Variants in LRFN5 observed in about 807,000 individuals in gnomAD.
The protein encoded by LRFN5 is leucine rich repeat and fibronectin type III domain containing 5.
Under a neutral mutation model 45.6 loss-of-function variants are expected in LRFN5, and 24 were observed. The observed-to-expected ratio is 0.53, with a 90% CI of 0.38 to 0.74. The LOEUF (loss-of-function observed/expected upper bound fraction) is 0.74, where lower values mean the gene tolerates loss of function less well. LRFN5 is among the 30% of genes least tolerant of loss of function. LRFN5 has a pLI of 0.00. For synonymous variants in LRFN5, 340 were observed against 313.8 expected (o/e 1.08, Z -0.88); for missense variants, 776 against 861.5 (o/e 0.90, Z 1.24).
intron 1 of LRFN5, among the ~76,000 whole-genome samples, chr14:41,750,867 C>A (rs1334917635): frequency 6.6e-6 from 1 of 151,960 alleles, no homozygotes; most frequent in Non-Finnish European, 1.5e-5. Flanking sequence ...TACACGTGCA[C>A]AACGTGCAGT....
chr14:41,746,275 C>A (rs1316225025), intron 1 of LRFN5, among the ~76,000 whole-genome samples: 2 of 151,812 alleles, frequency 1.3e-5, no homozygotes, highest in African/African-American at 4.8e-5. Context: ...CAATTAATGC[C>A]AAGAAAAGAT....
intron 1 of LRFN5, among the ~76,000 whole-genome samples, chr14:41,636,143 G>A (rs10151575): frequency 2.8e-4 from 43 of 152,150 alleles, no homozygotes; most frequent in Non-Finnish European, 5.3e-4. Flanking sequence ...GAACTTACGA[G>A]TATAATCAGA....
intron 1 of LRFN5, among the ~76,000 whole-genome samples, chr14:41,613,590 T>C (rs1887834022): frequency 1.3e-5 from 2 of 151,888 alleles, no homozygotes; most frequent in Non-Finnish European, 2.9e-5. Context: ...TGGAAAACAA[T>C]TGTAGAATTT....
chr14:41,811,504 A>C (rs1369399997), intron 2 of LRFN5, among the ~76,000 whole-genome samples: 10 of 152,128 alleles, frequency 6.6e-5, no homozygotes, highest in African/African-American at 1.2e-4. Flanking sequence ...ATAATAGCCC[A>C]AAAATGGAAA....
At chr14:41,774,299 C>G (rs1470656114) in intron 2 of LRFN5, among the ~76,000 whole-genome samples, 1 of 152,174 alleles carries the variant, frequency 6.6e-6, no homozygotes, top group Non-Finnish European at 1.5e-5. Flanking sequence ...TCTCCATATA[C>G]CACTACAGAC....
intron 1 of LRFN5, among the ~76,000 whole-genome samples, chr14:41,623,073 C>A (rs1247484987): frequency 6.6e-6 from 1 of 152,040 alleles, no homozygotes. Context: ...AGTTTGAGAG[C>A]CTCTGTTTCA....
chr14:41,904,108 T>G (rs759013397), intron 5 of LRFN5, 50 bp from the exon 6 acceptor site: 4 of 1,469,144 alleles, frequency 2.7e-6, no homozygotes, highest in Non-Finnish European at 3.7e-6. Flanking sequence ...GTGTTTTCTT[T>G]CTTTCTTCCT....
intron 1 of LRFN5, among the ~76,000 whole-genome samples, chr14:41,729,957 A>T (rs1262122519): frequency 6.6e-6 from 1 of 151,894 alleles, no homozygotes; most frequent in East Asian, 1.9e-4. Context: ...AGTTTACTGG[A>T]AGAATTAGTA....
At chr14:41,720,037 G>A (rs1028864917) in intron 1 of LRFN5, among the ~76,000 whole-genome samples, 2 of 152,002 alleles carry the variant, frequency 1.3e-5, no homozygotes, top group East Asian at 3.9e-4. Flanking sequence ...AGTATATCGT[G>A]TGTTGCTGAG....
chr14:41,898,044 A>T (rs1890995151), intron 4 of LRFN5, among the ~76,000 whole-genome samples: 1 of 152,010 alleles, frequency 6.6e-6, no homozygotes, highest in South Asian at 2.1e-4. Flanking sequence ...TAATGTGAAC[A>T]TCTCCTATTA....
intron 2 of LRFN5, among the ~76,000 whole-genome samples, chr14:41,816,837 G>A (rs1277505301): frequency 6.6e-6 from 1 of 151,936 alleles, no homozygotes; most frequent in Middle Eastern, 3.2e-3. Context: ...AAATCTCAGT[G>A]ATTGTGGTTT....
At chr14:41,671,336 CTAA>C (rs1332226100) in intron 1 of LRFN5, among the ~76,000 whole-genome samples, 1 of 152,082 alleles carries the variant, frequency 6.6e-6, no homozygotes, top group Non-Finnish European at 1.5e-5. Flanking sequence ...GGGCAACACA[CTAA>C]TATTTTCCTC....
chr14:41,740,413 T>C (rs377242315), intron 1 of LRFN5, among the ~76,000 whole-genome samples: 5 of 151,894 alleles, frequency 3.3e-5, no homozygotes, highest in African/African-American at 1.2e-4. Context: ...TGAGTTACAC[T>C]ATATTAACAA....
chr14:41,810,112 G>T (rs969786880), intron 2 of LRFN5, among the ~76,000 whole-genome samples: 1 of 152,024 alleles, frequency 6.6e-6, no homozygotes. Flanking sequence ...TCACTGAGTT[G>T]ATTGAGATTT....
intron 1 of LRFN5, among the ~76,000 whole-genome samples, chr14:41,670,282 T>C (rs1261251488): frequency 4.0e-5 from 3 of 75,586 alleles, no homozygotes; most frequent in African/African-American, 2.0e-4. Context: ...TATATATATA[T>C]ATATATATAT....
chr14:41,797,135 T>C (rs762514486), intron 2 of LRFN5, among the ~76,000 whole-genome samples: 6 of 151,920 alleles, frequency 3.9e-5, no homozygotes, highest in African/African-American at 1.4e-4. Context: ...TAATGTCTTA[T>C]GCAGAGAAAG....
At chr14:41,718,816 G>C (rs539884681) in intron 1 of LRFN5, among the ~76,000 whole-genome samples, 1 of 152,296 alleles carries the variant, frequency 6.6e-6, no homozygotes, top group South Asian at 2.1e-4. Context: ...ACATTAAACT[G>C]GTGATAGGTA....
At chr14:41,756,107 G>T (rs2138856163) in intron 1 of LRFN5, among the ~76,000 whole-genome samples, 1 of 152,262 alleles carries the variant, frequency 6.6e-6, no homozygotes, top group Admixed American at 6.5e-5. Flanking sequence ...ACTCTCTTCT[G>T]GCTTGTAGAG....
chr14:41,795,183 T>G (rs1353874751), intron 2 of LRFN5, among the ~76,000 whole-genome samples: 1 of 152,180 alleles, frequency 6.6e-6, no homozygotes, highest in African/African-American at 2.4e-5. Flanking sequence ...AAAATGCTCA[T>G]CATCGCTGGC....
Sources: gnomAD v4.1 joint callset for allele counts (sites outside exome capture counted in the v4.1 genomes callset) on GRCh38, gnomAD v4.1.1 for gene constraint, MANE v1.5 for transcripts, NCBI Gene and HGNC (gene_info 2026-07-23, HGNC 2026-07-21) for gene names.